Variants in MARCHF1 observed in about 807,000 individuals in gnomAD.
MARCHF1 encodes membrane associated ring-CH-type finger 1, also known as E3 ubiquitin-protein ligase MARCHF1.
A neutral mutation model predicts 54.2 loss-of-function variants in MARCHF1; 40 were observed. The ratio of observed to expected loss-of-function variants is 0.74; its 90% CI spans 0.57 to 0.96. MARCHF1 has a LOEUF of 0.96. Among genes scored for constraint, MARCHF1 ranks in the 40% least tolerant of loss-of-function variants. MARCHF1 has a pLI of 0.00. For synonymous variants in MARCHF1, 236 were observed against 236.3 expected, an observed-to-expected ratio of 1.00 and a Z score of 0.01; for missense variants, 586 against 656.5, an observed-to-expected ratio of 0.89 and a Z score of 1.17.
intron 4 of MARCHF1, among the ~76,000 whole-genome samples, chr4:163,741,224 CA>C (rs1042516266): frequency 6.6e-6 from 1 of 152,056 alleles, no homozygotes; most frequent in Non-Finnish European, 1.5e-5. Flanking sequence ...TCTGTTACCC[CA>C]ATTATGTTTT....
intron 3 of MARCHF1, among the ~76,000 whole-genome samples, chr4:163,884,527 C>G (rs1750487088): frequency 6.6e-6 from 1 of 152,122 alleles, no homozygotes; most frequent in Non-Finnish European, 1.5e-5. Context: ...CTGGCTTCTC[C>G]TTCCCCTTGT....
rs550745317 is a variant in MARCHF1, at chr4:163,655,495, C to T, written c.163-42102G>A. ...ACCCCACTGTCAATATTAGATGGAT[C>T]GTCAAGTCAGAAAATGAACAAAGAT... On this transcript the variant is annotated intron_variant, in intron 5 of 9. Coordinates refer to ENST00000514618, the MANE Select transcript of MARCHF1 (RefSeq NM_001394959.1). Among the ~76,000 whole-genome samples, 11 of 151,884 alleles carry T rather than the reference C, an allele frequency of 7.2e-5. No individual in the cohort carries two copies. The East Asian group carries it at 1.6e-3, about 21-fold the overall frequency.
chr4:164,165,072 G>A (rs1327967645), intron 1 of MARCHF1, among the ~76,000 whole-genome samples: 3 of 152,002 alleles, frequency 2.0e-5, no homozygotes, highest in Admixed American at 6.6e-5. Flanking sequence ...TAAGTTTAAA[G>A]AGCGCATGTC....
chr4:163,709,135 G>C (rs904163755), intron 4 of MARCHF1, among the ~76,000 whole-genome samples: 1 of 152,130 alleles, frequency 6.6e-6, no homozygotes, highest in Non-Finnish European at 1.5e-5. Context: ...TGACTGAGCA[G>C]AAATATGTTA....
chr4:163,930,651 T>C (rs754147477), intron 3 of MARCHF1, among the ~76,000 whole-genome samples: 2 of 152,124 alleles, frequency 1.3e-5, no homozygotes, highest in Non-Finnish European at 2.9e-5. Flanking sequence ...TACAAGTTTA[T>C]AGCTGGAGAG....
intron 1 of MARCHF1, among the ~76,000 whole-genome samples, chr4:164,313,290 A>G (rs1430562208): frequency 6.7e-6 from 1 of 149,312 alleles, no homozygotes; most frequent in Admixed American, 6.8e-5. Flanking sequence ...CAGAGCATCA[A>G]GTGAGCCCAG....
At chr4:163,797,533 T>C (rs1206198825) in intron 4 of MARCHF1, among the ~76,000 whole-genome samples, 1 of 152,116 alleles carries the variant, frequency 6.6e-6, no homozygotes, top group Non-Finnish European at 1.5e-5. Context: ...ATTAGACATG[T>C]TCATGTTATT....
intron 5 of MARCHF1, among the ~76,000 whole-genome samples, chr4:163,666,152 G>A (rs560542547): frequency 5.9e-5 from 9 of 152,116 alleles, no homozygotes; most frequent in Non-Finnish European, 1.2e-4. Flanking sequence ...TAGTTTTAAA[G>A]TACTTGGTTA....
intron 1 of MARCHF1, chr4:164,383,433 A>G (rs1397566918): frequency 6.6e-6 from 1 of 152,348 alleles, no homozygotes; most frequent in Non-Finnish European, 1.5e-5. Context: ...AGCCCACACT[A>G]GGAGCGCGTG....
At chr4:163,836,887 TGAG>T (rs987213314) in intron 4 of MARCHF1, among the ~76,000 whole-genome samples, 7 of 151,920 alleles carry the variant, frequency 4.6e-5, no homozygotes, top group African/African-American at 1.7e-4. Flanking sequence ...GAGAAAAATT[TGAG>T]GAGGTCTAAT....
intron 4 of MARCHF1, among the ~76,000 whole-genome samples, chr4:163,838,513 T>C (rs1426735698): frequency 6.6e-6 from 1 of 152,088 alleles, no homozygotes; most frequent in Non-Finnish European, 1.5e-5. Flanking sequence ...AATAAGTGGA[T>C]ATTCAACGAT....
intron 2 of MARCHF1, among the ~76,000 whole-genome samples, chr4:164,094,108 G>A (rs1278234621): frequency 6.6e-6 from 1 of 152,110 alleles, no homozygotes; most frequent in Non-Finnish European, 1.5e-5. Flanking sequence ...ACATTTGTTT[G>A]GGTCTGTCTT....
chr4:163,585,494 C>T (rs965739313), intron 8 of MARCHF1: 8 of 282,048 alleles, frequency 2.8e-5, no homozygotes, highest in Middle Eastern at 1.0e-3. Context: ...ATATCTATTA[C>T]GTGCACACAC....
At chr4:164,366,706 A>T (rs972555657) in intron 1 of MARCHF1, among the ~76,000 whole-genome samples, 1 of 151,964 alleles carries the variant, frequency 6.6e-6, no homozygotes, top group South Asian at 2.1e-4. Flanking sequence ...AATTTTATTT[A>T]TTGTATATGC....
intron 3 of MARCHF1, among the ~76,000 whole-genome samples, chr4:163,904,193 C>A (rs1267863355): frequency 1.3e-5 from 2 of 152,022 alleles, no homozygotes; most frequent in African/African-American, 4.8e-5. Flanking sequence ...ATAGATGTAA[C>A]CCATTTAAAA....
intron 1 of MARCHF1, among the ~76,000 whole-genome samples, chr4:164,235,991 T>C (rs1177607437): frequency 6.6e-6 from 1 of 152,128 alleles, no homozygotes; most frequent in Admixed American, 6.6e-5. Flanking sequence ...CTTAGGTGTT[T>C]GCGTGCTATT....
intron 5 of MARCHF1, among the ~76,000 whole-genome samples, chr4:163,649,616 A>T (rs1742891818): frequency 6.6e-6 from 1 of 152,014 alleles, no homozygotes; most frequent in Admixed American, 6.6e-5. Flanking sequence ...TCTTAGTCTG[A>T]TAGTTTTAAT....
At chr4:163,557,420 A>G (rs1419256255) in intron 8 of MARCHF1, among the ~76,000 whole-genome samples, 1 of 152,208 alleles carries the variant, frequency 6.6e-6, no homozygotes, top group East Asian at 1.9e-4. Flanking sequence ...GGGGACTAAG[A>G]ATCTCATTCA....
At chr4:163,613,446 G>C (rs1741416181) in intron 5 of MARCHF1, 53 bp from the exon 6 acceptor site, 1 of 1,612,648 alleles carries the variant, frequency 6.2e-7, no homozygotes, top group Non-Finnish European at 8.5e-7. Context: ...ATACATGGTT[G>C]ATATCTTGCT....
Sources: allele counts gnomAD v4.1 joint callset (sites outside exome capture counted in the v4.1 genomes callset), GRCh38; gene constraint gnomAD v4.1.1; transcripts MANE v1.5; gene names NCBI Gene and HGNC (gene_info 2026-07-23, HGNC 2026-07-21).